The following SGCZ variants were observed in gnomAD, a reference collection of about 807,000 sequenced individuals.
SGCZ encodes zeta-sarcoglycan.
SGCZ carries 40 observed loss-of-function variants against 41.3 expected under a neutral mutation model. That is an observed-to-expected ratio of 0.97 (90% CI 0.75 to 1.26). The LOEUF is 1.26. Among genes scored for constraint, SGCZ ranks in the 50% most tolerant of loss-of-function variants. The pLI is 0.00. For missense variants in SGCZ, 552 were observed against 369.8 expected, an observed-to-expected ratio of 1.49 and a Z score of -4.04; for synonymous variants, 206 against 137.5, an observed-to-expected ratio of 1.50 and a Z score of -3.49.
intron 1 of SGCZ, among the ~76,000 whole-genome samples, chr8:15,106,247 T>A (rs1314362565): frequency 6.6e-6 from 1 of 152,108 alleles, no homozygotes; most frequent in Non-Finnish European, 1.5e-5. Context: ...AACTTATTAG[T>A]TGTCATTTTT....
chr8:14,147,749 A>G (rs977465582), intron 5 of SGCZ, among the ~76,000 whole-genome samples: 2 of 152,174 alleles, frequency 1.3e-5, no homozygotes, highest in African/African-American at 4.8e-5. Context: ...AATGGCTACA[A>G]AATACATATT....
rs1334121052 is a variant in SGCZ, at chr8:15,195,076, G to T, written c.39+42509C>A. On this transcript the variant is annotated intron_variant, in intron 1 of 7. Transcript: ENST00000382080. ...ATAAACTATAAATACTACACAGTGA[G>T]GTTCTTAAATCAAGATTTAGTTTTT... Among the ~76,000 whole-genome samples, 3 of 152,104 alleles carry T rather than the reference G, an allele frequency of 2.0e-5. No homozygotes were observed. In the East Asian group the frequency reaches 5.8e-4, roughly 29 times the overall value.
chr8:14,925,931 C>A (rs1375869355), intron 1 of SGCZ, among the ~76,000 whole-genome samples: 1 of 152,060 alleles, frequency 6.6e-6, no homozygotes, highest in Non-Finnish European at 1.5e-5. Flanking sequence ...ATAGTGACAA[C>A]AGGGCAGAGA....
At chr8:14,518,894 CAAAAA>C (rs370947291) in intron 2 of SGCZ, among the ~76,000 whole-genome samples, 10 of 128,218 alleles carry the variant, frequency 7.8e-5, no homozygotes, top group African/African-American at 2.7e-4. Context: ...CCATCTCTAC[CAAAAA>C]AAAAAAAAAA....
rs367575630 is a variant in SGCZ at position 14,407,166 on chromosome 8, T to A, written c.235-82962A>T. Among the ~76,000 whole-genome samples, 57 of 149,860 alleles carry A rather than the reference T, an allele frequency of 3.8e-4. No homozygotes were observed. The East Asian group carries it at 0.011, about 28-fold the overall frequency. ...ACACTGCAACTTCCACCTCCTGGGT[T>A]CAAGCTATTCTCCTGCCTCAGCCTC... On this transcript the variant is annotated intron_variant, in intron 2 of 7. Coordinates refer to ENST00000382080, the MANE Select transcript of SGCZ (RefSeq NM_139167.4).
intron 1 of SGCZ, among the ~76,000 whole-genome samples, chr8:14,653,125 G>A (rs1169351409): frequency 6.6e-6 from 1 of 152,000 alleles, no homozygotes; most frequent in Non-Finnish European, 1.5e-5. Context: ...CTCAATCCAT[G>A]AGGTACAGAC....
At chr8:14,459,771 A>G (rs1800849132) in intron 2 of SGCZ, among the ~76,000 whole-genome samples, 1 of 152,202 alleles carries the variant, frequency 6.6e-6, no homozygotes, top group African/African-American at 2.4e-5. Flanking sequence ...GTATTCTCAC[A>G]TCCTCACCCC....
intron 1 of SGCZ, among the ~76,000 whole-genome samples, chr8:14,817,964 G>C (rs1032567489): frequency 6.6e-6 from 1 of 152,146 alleles, no homozygotes; most frequent in African/African-American, 2.4e-5. Context: ...TTGCCAAAGA[G>C]GCACCTCGCC....
intron 1 of SGCZ, among the ~76,000 whole-genome samples, chr8:15,066,547 G>C (rs563830710): frequency 8.6e-5 from 13 of 151,970 alleles, no homozygotes; most frequent in African/African-American, 3.1e-4. Context: ...GATTTTCATA[G>C]TCAACTTTTA....
chr8:14,527,811 G>A (rs1381410), intron 2 of SGCZ, among the ~76,000 whole-genome samples: 11,685 of 152,044 alleles, frequency 0.077, 829 homozygotes, highest in African/African-American at 0.19. Flanking sequence ...AGTAACCCAT[G>A]TCCATAACAA....
chr8:14,939,721 G>T (rs1302248589), intron 1 of SGCZ, among the ~76,000 whole-genome samples: 1 of 152,050 alleles, frequency 6.6e-6, no homozygotes, highest in Non-Finnish European at 1.5e-5. Context: ...CATTTGATGT[G>T]CAAACATAGA....
intron 2 of SGCZ, among the ~76,000 whole-genome samples, chr8:14,534,876 T>A (rs1336481640): frequency 1.3e-5 from 2 of 151,994 alleles, no homozygotes; most frequent in Non-Finnish European, 2.9e-5. Flanking sequence ...ATCTGATGAA[T>A]AAGCATAAGG....
At chr8:15,186,592 C>G (rs530939023) in intron 1 of SGCZ, among the ~76,000 whole-genome samples, 1 of 152,284 alleles carries the variant, frequency 6.6e-6, no homozygotes, top group Non-Finnish European at 1.5e-5. Context: ...ATTCCCATAT[C>G]ATAATTTATC....
At chr8:14,196,481 T>A (rs1471658763) in intron 4 of SGCZ, among the ~76,000 whole-genome samples, 1 of 152,108 alleles carries the variant, frequency 6.6e-6, no homozygotes, top group Admixed American at 6.6e-5. Context: ...AAGAAATTGG[T>A]TATGTTTTAA....
intron 1 of SGCZ, among the ~76,000 whole-genome samples, chr8:14,705,022 G>A (rs779015417): frequency 2.0e-5 from 3 of 151,902 alleles, no homozygotes; most frequent in Non-Finnish European, 2.9e-5. Context: ...GATATTAATA[G>A]CCACCAAACC....
chr8:14,586,306 T>C (rs992631282), intron 1 of SGCZ, among the ~76,000 whole-genome samples: 3 of 152,122 alleles, frequency 2.0e-5, no homozygotes, highest in Non-Finnish European at 4.4e-5. Context: ...CTCTACCTCC[T>C]GGGCTCAAGT....
At chr8:14,610,023 C>T (rs185153663) in intron 1 of SGCZ, among the ~76,000 whole-genome samples, 17 of 152,186 alleles carry the variant, frequency 1.1e-4, no homozygotes, top group African/African-American at 2.9e-4. Context: ...TCAACTGCTA[C>T]GATCTTATTT....
intron 1 of SGCZ, among the ~76,000 whole-genome samples, chr8:15,030,004 C>T (rs1011634454): frequency 1.3e-5 from 2 of 152,272 alleles, no homozygotes; most frequent in African/African-American, 4.8e-5. Flanking sequence ...CTGTGCCAAG[C>T]ACTATTCTCT....
chr8:14,242,880 T>C (rs533582371), intron 3 of SGCZ, among the ~76,000 whole-genome samples: 17 of 152,166 alleles, frequency 1.1e-4, no homozygotes, highest in South Asian at 2.1e-4. Flanking sequence ...ATAAAAAAAA[T>C]AGGAAATTGA....
Sources: gnomAD v4.1 joint callset for allele counts (sites outside exome capture counted in the v4.1 genomes callset) on GRCh38, gnomAD v4.1.1 for gene constraint, MANE v1.5 for transcripts, NCBI Gene and HGNC (gene_info 2026-07-23, HGNC 2026-07-21) for gene names.